C14orf132: variants seen among roughly 807,000 people sequenced by gnomAD.
C14orf132 encodes uncharacterized protein C14orf132.
A neutral mutation model predicts 5.8 loss-of-function variants in C14orf132; 6 were observed. That is an observed-to-expected ratio of 1.03 (90% CI 0.57 to 2.04). C14orf132 has a LOEUF of 2.04. Among genes scored for constraint, C14orf132 ranks in the 30% most tolerant of loss-of-function variants. The probability of loss-of-function intolerance (pLI) is 0.00; values close to 1 mark genes in which losing one functional copy is unlikely to be tolerated. For synonymous variants in C14orf132, 51 were observed against 49.8 expected (o/e 1.02, Z -0.10); for missense variants, 125 against 115.8 (o/e 1.08, Z -0.37).
intron 1 of C14orf132, among the ~76,000 whole-genome samples, chr14:96,045,988 T>A (rs981886776): frequency 6.6e-6 from 1 of 152,174 alleles, no homozygotes; most frequent in African/African-American, 2.4e-5. Context: ...CCTCTTGGGA[T>A]TTCATCCTGC....
At chr14:96,079,672 A>G (rs1220189283) in intron 1 of C14orf132, among the ~76,000 whole-genome samples, 1 of 152,142 alleles carries the variant, frequency 6.6e-6, no homozygotes, top group African/African-American at 2.4e-5. Flanking sequence ...TTTAGACCAC[A>G]GAGACCCTGC....
intron 1 of C14orf132, among the ~76,000 whole-genome samples, chr14:96,049,651 TATAG>T (rs1886969822): frequency 1.6e-4 from 11 of 67,810 alleles, no homozygotes; most frequent in African/African-American, 5.6e-4. Flanking sequence ...TATATATATA[TATAG>T]AGAGAGAGAG....
At chr14:96,042,521 C>G (rs1807724045) in intron 1 of C14orf132, among the ~76,000 whole-genome samples, 2 of 152,220 alleles carry the variant, frequency 1.3e-5, no homozygotes, top group Non-Finnish European at 2.9e-5. Context: ...CACGTTTCTT[C>G]TTCCCCATGT....
intron 1 of C14orf132, among the ~76,000 whole-genome samples, chr14:96,069,959 C>T (rs563677903): frequency 1.3e-5 from 2 of 152,182 alleles, no homozygotes; most frequent in Non-Finnish European, 2.9e-5. Context: ...CAGGGCCTTC[C>T]AAGACCCCGT....
intron 1 of C14orf132, among the ~76,000 whole-genome samples, chr14:96,040,902 T>C (rs2139636773): frequency 6.6e-6 from 1 of 152,306 alleles, no homozygotes; most frequent in Non-Finnish European, 1.5e-5. Flanking sequence ...GAACTGTGTC[T>C]GCCTTCCCCT....
chr14:96,040,854 T>C (rs1886673773), intron 1 of C14orf132, among the ~76,000 whole-genome samples: 1 of 151,988 alleles, frequency 6.6e-6, no homozygotes, highest in Non-Finnish European at 1.5e-5. Flanking sequence ...ACATGAAAAC[T>C]AAGGAGGCTT....
At chr14:96,075,936 T>C (rs8022130) in intron 1 of C14orf132, among the ~76,000 whole-genome samples, 34,337 of 152,176 alleles carry the variant, frequency 0.23, 4,712 homozygotes, top group East Asian at 0.3. Flanking sequence ...AAGTGTTCCA[T>C]AAAATGAGTT....
At chr14:96,066,286 C>T (rs145566903) in intron 1 of C14orf132, among the ~76,000 whole-genome samples, 3 of 152,288 alleles carry the variant, frequency 2.0e-5, no homozygotes, top group South Asian at 2.1e-4. Flanking sequence ...TTTCTGTCCC[C>T]GCAGGGCAAG....
At chr14:96,042,475 TAA>T (rs1886720321) in intron 1 of C14orf132, among the ~76,000 whole-genome samples, 2 of 152,238 alleles carry the variant, frequency 1.3e-5, no homozygotes, top group Non-Finnish European at 2.9e-5. Context: ...TGTGATTAAC[TAA>T]GTCAGTGAAA....
intron 1 of C14orf132, among the ~76,000 whole-genome samples, chr14:96,048,405 A>G (rs1385998981): frequency 6.6e-6 from 1 of 152,102 alleles, no homozygotes. Context: ...TCACAGTTTT[A>G]CCTTTTCCAG....
intron 1 of C14orf132, among the ~76,000 whole-genome samples, chr14:96,070,436 GAGGA>G (rs1349469997): frequency 5.9e-5 from 9 of 152,054 alleles, no homozygotes; most frequent in Admixed American, 3.3e-4. Flanking sequence ...TTCTCTCCTT[GAGGA>G]AGCCCATGGC....
At chr14:96,064,614 G>A (rs1263625053) in intron 1 of C14orf132, among the ~76,000 whole-genome samples, 2 of 151,806 alleles carry the variant, frequency 1.3e-5, no homozygotes, top group Non-Finnish European at 2.9e-5. Flanking sequence ...TGGTATGTGG[G>A]AGCTAAGCTG....
intron 1 of C14orf132, chr14:96,051,219 C>G (rs1419579394): frequency 5.0e-6 from 2 of 398,552 alleles, no homozygotes; most frequent in Non-Finnish European, 8.8e-6. Context: ...TGGAGTTCTT[C>G]CAGGTATCCT....
chr14:96,077,026 A>C (rs1319335679), intron 1 of C14orf132, among the ~76,000 whole-genome samples: 1 of 152,112 alleles, frequency 6.6e-6, no homozygotes, highest in East Asian at 1.9e-4. Flanking sequence ...TAGGATTTTG[A>C]TTCCTTTAAG....
chr14:96,086,554 ACTTCAGCACCGAGTACTCC>A lies in C14orf132; in HGVS notation c.74_92del (p.Phe25CysfsTer36), dbSNP rs543699303. 7 of 1,536,046 alleles carry A rather than the reference ACTTCAGCACCGAGTACTCC, an allele frequency of 4.6e-6. No homozygotes were observed. The African/African-American group carries it at 8.2e-5, about 18-fold the overall frequency. On this transcript the variant is annotated frameshift_variant, in exon 2 of 2. Transcript: ENST00000555004. LOFTEE classifies it high-confidence loss of function. ...GCTTTCATGGACTCGCCCAACGAGGACTTCAGCACCGAGTACTCCCTGTTTAACTCCTCTGCCAATGTCC... is the reference window on the plus strand; with the variant it reads ...GCTTTCATGGACTCGCCCAACGAGGACTGTTTAACTCCTCTGCCAATGTCC...
Position 96,089,255 on chromosome 14 carries a change from G to A in C14orf132, c.*2520G>A, listed in dbSNP as rs1888305742. The A allele has an allele frequency of 6.6e-6, 1 of 152,298 alleles. No homozygotes were observed. The highest frequency in any genetic ancestry group is 2.4e-5 in the African/African-American group (1 of 41,466). 9.4% of individuals were successfully genotyped at this position (152,298 alleles called of 1,614,324 possible). On this transcript the variant is annotated 3_prime_UTR_variant, in exon 2 of 2. Coordinates refer to ENST00000555004, the MANE Select transcript of C14orf132 (RefSeq NM_001252507.3). ...AGCAGTTTGGAAAGGGGAAAAAGAT[G>A]CCGGTCCTCACTGCTTAAGTTTTGT...
chr14:96,053,177 T>A (rs148014282), intron 1 of C14orf132, among the ~76,000 whole-genome samples: 1 of 152,298 alleles, frequency 6.6e-6, no homozygotes, highest in African/African-American at 2.4e-5. Context: ...TCTTGCTTTT[T>A]AAAAATGAGT....
chr14:96,085,725 G>A (rs879575899), intron 1 of C14orf132, among the ~76,000 whole-genome samples: 2 of 152,146 alleles, frequency 1.3e-5, no homozygotes, highest in Admixed American at 1.3e-4. Context: ...AGATAACAAT[G>A]TGTGTACCAT....
chr14:96,086,743 A>G lies in C14orf132; in HGVS notation c.*8A>G. The G allele has an allele frequency of 6.5e-7, 1 of 1,535,640 alleles. No homozygotes were observed. The highest frequency in any genetic ancestry group is 8.7e-7 in the Non-Finnish European group (1 of 1,146,560). On this transcript the variant is annotated 3_prime_UTR_variant, in exon 2 of 2. Coordinates refer to ENST00000555004, the MANE Select transcript of C14orf132 (RefSeq NM_001252507.3). ...TATGCCTTCACCTTCTGAGGACGGCACACCCTGCACCACCATGGGGTGAGG... is the reference window on the plus strand; with the variant it reads ...TATGCCTTCACCTTCTGAGGACGGCGCACCCTGCACCACCATGGGGTGAGG...
Sources: allele counts gnomAD v4.1 joint callset (sites outside exome capture counted in the v4.1 genomes callset), GRCh38; gene constraint gnomAD v4.1.1; transcripts MANE v1.5; gene names NCBI Gene and HGNC (gene_info 2026-07-23, HGNC 2026-07-21).